Variants in GGCT observed in about 807,000 individuals in gnomAD.
The protein encoded by GGCT is cytochrome c-releasing factor 21.
GGCT carries 20 observed loss-of-function variants against 22.1 expected under a neutral mutation model. The ratio of observed to expected loss-of-function variants is 0.91; its 90% CI spans 0.64 to 1.32. The LOEUF is 1.32. Among genes scored for constraint, GGCT ranks in the 40% most tolerant of loss-of-function variants. The pLI is 0.00. For synonymous variants in GGCT, 72 were observed against 78.4 expected (o/e 0.92, Z 0.43); for missense variants, 209 against 223.5 (o/e 0.94, Z 0.41).
intron 3 of GGCT, chr7:30,497,696 G>T: frequency 2.6e-6 from 3 of 1,143,264 alleles, no homozygotes; most frequent in Non-Finnish European, 3.5e-6. Flanking sequence ...ATTTCTCTAG[G>T]TTTCATACTA....
chr7:30,497,837 T>C (rs1195159543), intron 3 of GGCT: 1 of 1,459,120 alleles, frequency 6.9e-7, no homozygotes, highest in Non-Finnish European at 9.2e-7. Flanking sequence ...CATTCTTGTC[T>C]TGTGCTTGCA....
At chr7:30,499,010 A>G (rs1406127242) in intron 2 of GGCT, 72 bp from the exon 3 acceptor site, 1 of 1,347,822 alleles carries the variant, frequency 7.4e-7, no homozygotes, top group South Asian at 1.2e-5. Flanking sequence ...AGGTCTTTTT[A>G]TAATAGTCAA....
In GGCT at chr7:30,504,577, G is replaced by T; in HGVS notation, c.133C>A (p.Arg45Ser). Residue 45 changes from arginine (R) to serine (S), a missense_variant, in exon 1 of 4, where the codon CGC becomes AGC. Transcript: ENST00000275428. Reference sequence around the variant, plus strand: ...CGGGAGGGGGCACTCACCTGCAGGCGGGCCACACAGAAGAACGCCGCCGAG... The same window carrying T: ...CGGGAGGGGGCACTCACCTGCAGGCTGGCCACACAGAAGAACGCCGCCGAG... The part of the protein sequence containing the change: ...NPSAAFFCVA[R>S]LQDFKLDFGN... 1 of 1,613,698 alleles carries T rather than the reference G, an allele frequency of 6.2e-7. No individual in the cohort carries two copies. Among genetic ancestry groups the T allele is most frequent in the Non-Finnish European group, 8.5e-7 (1 of 1,179,840 alleles).
At chr7:30,498,018 TATATAG>T (rs1369345852) in intron 3 of GGCT, 6 of 225,640 alleles carry the variant, frequency 2.7e-5, no homozygotes, top group East Asian at 1.3e-4. Flanking sequence ...TATATATATA[TATATAG>T]ATACACACAC....
chr7:30,497,939 TC>T lies in GGCT; in HGVS notation c.424-705del. On this transcript the variant is annotated intron_variant, in intron 3 of 3. Transcript: ENST00000275428. Reference sequence around the variant, plus strand: ...TTCAGCAGTAGAAAGTATGTTTTTTTCCCCTATAAAAATGAATCTTGGTATT... The same window carrying T: ...TTCAGCAGTAGAAAGTATGTTTTTTTCCCTATAAAAATGAATCTTGGTATT... 3.4e-6 allele frequency: 4 copies of T among 1,190,960 alleles called. No individual in the cohort carries two copies. The South Asian group carries it at 7.3e-5, about 22-fold the overall frequency. 73.8% of individuals were successfully genotyped at this position (1,190,960 alleles called of 1,614,324 possible).
chr7:30,504,719 C>G lies in GGCT; in HGVS notation c.-10G>C. ...AGCCCGAGTTGGCCATATCCCACTA[C>G]GCCCCTGCACTGGAGCCTGAAGCAG... On this transcript the variant is annotated 5_prime_UTR_variant, in exon 1 of 4. Transcript: ENST00000275428. The G allele has an allele frequency of 6.2e-7, 1 of 1,613,674 alleles. No individual in the cohort carries two copies. Among genetic ancestry groups the G allele is most frequent in the Non-Finnish European group, 8.5e-7 (1 of 1,179,580 alleles).
rs780201647 is a variant in GGCT at position 30,499,023 on chromosome 7, T to C, written c.288-85A>G. 4.2e-6 allele frequency: 5 copies of C among 1,185,486 alleles called. No individual in the cohort carries two copies. In the East Asian group the frequency reaches 7.0e-5, roughly 17 times the overall value. 73.4% of individuals were successfully genotyped at this position (1,185,486 alleles called of 1,614,324 possible). On this transcript the variant is annotated intron_variant, in intron 2 of 3. Coordinates refer to ENST00000275428, the MANE Select transcript of GGCT (RefSeq NM_024051.4). ...TAAGGTCTTTTTATAATAGTCAAGA[T>C]GGTGTATGGGATTAAACATTTAACT...
intron 1 of GGCT, among the ~76,000 whole-genome samples, chr7:30,503,481 A>G (rs1234756877): frequency 6.6e-6 from 1 of 152,174 alleles, no homozygotes; most frequent in East Asian, 1.9e-4. Flanking sequence ...TGGGGCTTTC[A>G]ATTAGAAGCT....
chr7:30,496,812 T>G lies in GGCT; in HGVS notation c.*280A>C, dbSNP rs963317676. On this transcript the variant is annotated 3_prime_UTR_variant, in exon 4 of 4. Coordinates refer to ENST00000275428, the MANE Select transcript of GGCT (RefSeq NM_024051.4). ...ATCTTTTACCAGAGCAAGGAGACAC[T>G]TAAGATCAATTCAAGAGAATAGCTT... The G allele has an allele frequency of 4.6e-6, 1 of 217,892 alleles. No homozygotes were observed. The highest frequency in any genetic ancestry group is 2.3e-5 in the African/African-American group (1 of 43,858). 13.5% of individuals were successfully genotyped at this position (217,892 alleles called of 1,614,324 possible). A position where few individuals can be genotyped will look rare whatever the true frequency, so the allele number is the denominator to read the frequency against.
At chr7:30,497,982 A>T in intron 3 of GGCT, 1 of 447,486 alleles carries the variant, frequency 2.2e-6, no homozygotes. Context: ...ATACTGTGTT[A>T]CGGGGAGAAA....
chr7:30,499,807 T>A (rs1348084208), intron 2 of GGCT, among the ~76,000 whole-genome samples: 2 of 151,852 alleles, frequency 1.3e-5, no homozygotes, highest in African/African-American at 4.8e-5. Flanking sequence ...TCTGTATTTA[T>A]CTTGTCTTTA....
rs114364057 is a variant in GGCT at position 30,504,143 on chromosome 7, T to C, written c.141+426A>G. ...GTCCCAGCTTTCAGGACCTCTTAGA[T>C]GAGGAGCGAAAGGCAGGTAAACGGA... On this transcript the variant is annotated intron_variant, in intron 1 of 3. Transcript: ENST00000275428. Among the ~76,000 whole-genome samples, 742 of 152,316 alleles carry C rather than the reference T, an allele frequency of 4.9e-3. 10 individuals carry two copies. The highest frequency in any genetic ancestry group is 0.017 in the African/African-American group (708 of 41,570).
chr7:30,497,923 A>G, intron 3 of GGCT: 2 of 1,317,808 alleles, frequency 1.5e-6, no homozygotes, highest in Non-Finnish European at 2.0e-6. Flanking sequence ...TTTCAGCAGT[A>G]GAAAGTATGT....
In GGCT at chr7:30,504,795, C is replaced by G. The variant is rs530404220; in HGVS notation, c.-86G>C. On this transcript the variant is annotated 5_prime_UTR_variant, in exon 1 of 4. Coordinates refer to ENST00000275428, the MANE Select transcript of GGCT (RefSeq NM_024051.4). Reference sequence around the variant, plus strand: ...AACACTGGGGCCCACTACCCCGGCGCAGTGACCGCCGCGCGGCAGCCTCAG... The same window carrying G: ...AACACTGGGGCCCACTACCCCGGCGGAGTGACCGCCGCGCGGCAGCCTCAG... 3.2e-4 allele frequency: 443 copies of G among 1,367,734 alleles called. No homozygotes were observed. The African/African-American group carries it at 5.6e-3, about 17-fold the overall frequency. 84.7% of individuals were successfully genotyped at this position (1,367,734 alleles called of 1,614,324 possible).
In GGCT at chr7:30,497,249, A is replaced by C; in HGVS notation, c.424-14T>G. The C allele has an allele frequency of 6.3e-7, 1 of 1,587,996 alleles. No homozygotes were observed. The highest frequency in any genetic ancestry group is 8.6e-7 in the Non-Finnish European group (1 of 1,169,370). Reference sequence around the variant, plus strand: ...CATGCAAATAATCTGGAAATGGTTAAAACAAACAGACAAAAAAACCCTTTC... The same window carrying C: ...CATGCAAATAATCTGGAAATGGTTACAACAAACAGACAAAAAAACCCTTTC... On this transcript the variant is annotated splice_polypyrimidine_tract_variant and intron_variant, in intron 3 of 3. Transcript: ENST00000275428.
At chr7:30,497,772 G>A in intron 3 of GGCT, 2 of 1,450,328 alleles carry the variant, frequency 1.4e-6, no homozygotes, top group Non-Finnish European at 1.8e-6. Context: ...GATTGGGCCT[G>A]CCAACAGAGA....
chr7:30,497,005 G>C lies in GGCT; in HGVS notation c.*87C>G, dbSNP rs902941949. The C allele has an allele frequency of 9.6e-6, 8 of 835,726 alleles. No individual in the cohort carries two copies. Among genetic ancestry groups the C allele is most frequent in the Non-Finnish European group, 1.5e-5 (8 of 549,440 alleles). The allele number at this position is 835,726 out of a possible 1,614,324, so 51.8% of individuals were successfully genotyped here. On this transcript the variant is annotated 3_prime_UTR_variant, in exon 4 of 4. Transcript: ENST00000275428. ...GAGCACTGCTGAAAATGGATCAAAC[G>C]TGGAGATCCCCCAGATCCCTGTTCT...
intron 1 of GGCT, among the ~76,000 whole-genome samples, chr7:30,503,048 C>T (rs556680421): frequency 1.3e-5 from 2 of 152,212 alleles, no homozygotes; most frequent in Non-Finnish European, 2.9e-5. Context: ...GATCCAGCTT[C>T]CTCTTTCTTC....
At chr7:30,497,359 A>G in intron 3 of GGCT, 124 bp from the exon 4 acceptor site, 3 of 632,328 alleles carry the variant, frequency 4.7e-6, no homozygotes, top group South Asian at 2.3e-5. Context: ...ATAACTCTAG[A>G]ATAAACAATT....
Sources: gnomAD v4.1 joint callset for allele counts (sites outside exome capture counted in the v4.1 genomes callset) on GRCh38, gnomAD v4.1.1 for gene constraint, MANE v1.5 for transcripts, NCBI Gene and HGNC (gene_info 2026-07-23, HGNC 2026-07-21) for gene names.